SPEF2: variants seen among roughly 807,000 people sequenced by gnomAD.
The protein encoded by SPEF2 is sperm flagella and cilia-associated protein 2.
SPEF2 carries 187 observed loss-of-function variants against 224.6 expected under a neutral mutation model. That is an observed-to-expected ratio of 0.83 (90% CI 0.74 to 0.94). SPEF2 has a LOEUF of 0.94. Ranked by LOEUF, SPEF2 falls within the 40% of genes least tolerant of loss-of-function variation. The pLI is 0.00. For missense variants in SPEF2, 2,170 were observed against 2,135.6 expected, an observed-to-expected ratio of 1.02 and a Z score of -0.32; for synonymous variants, 715 against 707.3, an observed-to-expected ratio of 1.01 and a Z score of -0.17.
chr5:35,724,775 G>T (rs149146796), intron 20 of SPEF2, among the ~76,000 whole-genome samples: 9 of 152,212 alleles, frequency 5.9e-5, no homozygotes, highest in African/African-American at 2.2e-4. Context: ...ATAGTACAGG[G>T]TCTGGCTCAG....
At chr5:35,805,168 A>T (rs1757905992) in intron 34 of SPEF2, among the ~76,000 whole-genome samples, 1 of 152,136 alleles carries the variant, frequency 6.6e-6, no homozygotes, top group Non-Finnish European at 1.5e-5. Flanking sequence ...TGATTCCAAA[A>T]TCTTCACCTG....
At chr5:35,696,893 TG>T (rs1755414435) in intron 14 of SPEF2, among the ~76,000 whole-genome samples, 1 of 152,092 alleles carries the variant, frequency 6.6e-6, no homozygotes, top group Admixed American at 6.5e-5. Flanking sequence ...CCACTGGATC[TG>T]GGGAAGTGTT....
intron 16 of SPEF2, among the ~76,000 whole-genome samples, chr5:35,704,302 G>A (rs1484156331): frequency 6.6e-6 from 1 of 151,738 alleles, no homozygotes; most frequent in Non-Finnish European, 1.5e-5. Context: ...ATCTATCATA[G>A]ACAATCCTGA....
At chr5:35,649,973 A>T (rs1747946321) in intron 6 of SPEF2, among the ~76,000 whole-genome samples, 1 of 152,234 alleles carries the variant, frequency 6.6e-6, no homozygotes, top group Non-Finnish European at 1.5e-5. Flanking sequence ...TCATTGATTC[A>T]CAGAAAATAA....
chr5:35,685,733 G>A (rs1478588250), intron 10 of SPEF2, among the ~76,000 whole-genome samples: 1 of 151,326 alleles, frequency 6.6e-6, no homozygotes, highest in African/African-American at 2.4e-5. Flanking sequence ...TGACTGAAAT[G>A]AAAAAAATGT....
chr5:35,660,664 T>C (rs1310641013), intron 8 of SPEF2, among the ~76,000 whole-genome samples: 1 of 152,194 alleles, frequency 6.6e-6, no homozygotes, highest in African/African-American at 2.4e-5. Context: ...ATCTCTCTTC[T>C]TTGGCAACAA....
intron 10 of SPEF2, among the ~76,000 whole-genome samples, chr5:35,690,289 A>G (rs1483902621): frequency 6.6e-6 from 1 of 152,128 alleles, no homozygotes; most frequent in Non-Finnish European, 1.5e-5. Flanking sequence ...CACTCTACTG[A>G]TTTATTGAAC....
At chr5:35,722,223 G>C (rs10043747) in intron 20 of SPEF2, among the ~76,000 whole-genome samples, 86,917 of 151,926 alleles carry the variant, frequency 0.57, 26,256 homozygotes, top group Middle Eastern at 0.7. Context: ...GAAGGGGAAG[G>C]CTGTGGTGGC....
At chr5:35,670,440 G>A in intron 10 of SPEF2, 1 of 1,188,470 alleles carries the variant, frequency 8.4e-7, no homozygotes, top group South Asian at 3.5e-5. Context: ...TCTTAGGGGA[G>A]TGGTCTGAAA....
chr5:35,794,857 C>T (rs1487485957), intron 32 of SPEF2, among the ~76,000 whole-genome samples: 2 of 152,160 alleles, frequency 1.3e-5, no homozygotes, highest in African/African-American at 4.8e-5. Flanking sequence ...TCTTTGAACA[C>T]TACCTGTGTT....
intron 30 of SPEF2, chr5:35,789,173 A>G: frequency 2.8e-6 from 2 of 703,020 alleles, no homozygotes; most frequent in Non-Finnish European, 5.2e-6. Context: ...CAGAGGCAAA[A>G]GTGACACCAG....
In SPEF2 at chr5:35,759,689, A is replaced by C. The variant is rs754202846; in HGVS notation, c.3590A>C (p.Asp1197Ala). ...ACTCGAATCCCTTTGGTCCAACTGG[A>C]TAGTAAAGACAATTCTGAAAGCCAG... is the stretch of plus-strand genomic sequence containing the variant. Reference protein sequence around the residue: ...RFTRIPLVQLDSKDNSESQLR... With the variant: ...RFTRIPLVQLASKDNSESQLR... Residue 1197 changes from aspartate to alanine, a missense_variant, in exon 25 of 37, where the codon GAT (aspartate) becomes GCT (alanine). Coordinates refer to ENST00000356031, the MANE Select transcript of SPEF2 (RefSeq NM_024867.4). 5 of 1,602,278 alleles carry C rather than the reference A, an allele frequency of 3.1e-6. No homozygotes were observed. The highest frequency in any genetic ancestry group is 4.3e-6 in the Non-Finnish European group (5 of 1,172,038).
intron 26 of SPEF2, 138 bp downstream of exon 26, chr5:35,763,840 T>G: frequency 1.3e-6 from 1 of 741,490 alleles, no homozygotes; most frequent in Non-Finnish European, 2.0e-6. Flanking sequence ...ATTTTTTTTC[T>G]GAAAGAAATA....
intron 26 of SPEF2, among the ~76,000 whole-genome samples, chr5:35,766,251 C>G (rs372807626): frequency 6.6e-6 from 1 of 152,036 alleles, no homozygotes; most frequent in Non-Finnish European, 1.5e-5. Context: ...AAGAGGCCAT[C>G]TAGAACTAAA....
chr5:35,784,294 AT>A (rs529563469), intron 30 of SPEF2, among the ~76,000 whole-genome samples: 103 of 151,886 alleles, frequency 6.8e-4, no homozygotes, highest in African/African-American at 2.3e-3. Context: ...CACCCGGCTA[AT>A]TTTTTTGTAT....
intron 10 of SPEF2, among the ~76,000 whole-genome samples, chr5:35,683,035 GT>G (rs1354804503): frequency 6.6e-6 from 1 of 152,108 alleles, no homozygotes; most frequent in African/African-American, 2.4e-5. Flanking sequence ...GTAAATACTT[GT>G]GATTCTATTA....
chr5:35,702,089 G>A (rs907841762), intron 16 of SPEF2: 13 of 432,802 alleles, frequency 3.0e-5, no homozygotes, highest in African/African-American at 1.9e-4. Flanking sequence ...TGGGAGAGTA[G>A]TGTCTCATAA....
At chr5:35,642,867 T>C (rs1746794688) in intron 3 of SPEF2, among the ~76,000 whole-genome samples, 1 of 152,212 alleles carries the variant, frequency 6.6e-6, no homozygotes, top group Non-Finnish European at 1.5e-5. Flanking sequence ...GGTAGCAGAA[T>C]GGACTCAGCG....
chr5:35,770,685 G>A (rs541479984), intron 26 of SPEF2, among the ~76,000 whole-genome samples: 1 of 152,316 alleles, frequency 6.6e-6, no homozygotes, highest in East Asian at 1.9e-4. Flanking sequence ...ATGGGACAAG[G>A]TTTTTCTGCT....
Sources: gnomAD v4.1 joint callset for allele counts (sites outside exome capture counted in the v4.1 genomes callset) on GRCh38, gnomAD v4.1.1 for gene constraint, MANE v1.5 for transcripts, NCBI Gene and HGNC (gene_info 2026-07-23, HGNC 2026-07-21) for gene names.